FBXL7: variants seen among roughly 807,000 people sequenced by gnomAD.
The protein encoded by FBXL7 is F-box and leucine rich repeat protein 7.
FBXL7 carries 12 observed loss-of-function variants against 38.3 expected under a neutral mutation model. That is an observed-to-expected ratio of 0.31 (90% confidence interval 0.20 to 0.51). The LOEUF (loss-of-function observed/expected upper bound fraction) is 0.51. Ranked by LOEUF, FBXL7 falls within the 20% of genes least tolerant of loss-of-function variation. The pLI is 0.98. For synonymous variants in FBXL7, 297 were observed against 300.9 expected (o/e 0.99, Z 0.13); for missense variants, 567 against 676.4 (o/e 0.84, Z 1.79).
intron 2 of FBXL7, among the ~76,000 whole-genome samples, chr5:15,897,754 C>T (rs186854908): frequency 6.6e-6 from 1 of 151,240 alleles, no homozygotes; most frequent in East Asian, 2.0e-4. Context: ...CCCAGCCAGG[C>T]CTGCCTTATG....
chr5:15,734,531 G>A (rs552808501), intron 2 of FBXL7, among the ~76,000 whole-genome samples: 1 of 152,174 alleles, frequency 6.6e-6, no homozygotes, highest in Non-Finnish European at 1.5e-5. Context: ...ATTCTCCCAA[G>A]GCCTGTCTCA....
At chr5:15,813,540 C>T (rs1737926024) in intron 2 of FBXL7, among the ~76,000 whole-genome samples, 1 of 152,004 alleles carries the variant, frequency 6.6e-6, no homozygotes, top group Admixed American at 6.6e-5. Context: ...TCTAAAACAC[C>T]AAAAGCAATG....
chr5:15,889,681 G>C (rs1256613852), intron 2 of FBXL7, among the ~76,000 whole-genome samples: 1 of 152,200 alleles, frequency 6.6e-6, no homozygotes, highest in Non-Finnish European at 1.5e-5. Context: ...TAGGATCCAG[G>C]TATCAGTGTT....
Position 15,858,529 on chromosome 5 carries a change from A to G in FBXL7, c.128-69361A>G, listed in dbSNP as rs531271247. On this transcript the variant is annotated intron_variant, in intron 2 of 3. Transcript: ENST00000504595. The stretch of plus-strand genomic sequence containing the variant: ...GCATTTATTGTTAAGTACTGTGTTT[A>G]TAAAGGACAGGCAATAAATGCTGTC... 3.3e-5 allele frequency among the ~76,000 whole-genome samples: 5 copies of G among 152,326 alleles called. No individual in the cohort carries two copies. The South Asian group carries it at 6.2e-4, about 19-fold the overall frequency.
At chr5:15,896,218 G>T (rs1489130520) in intron 2 of FBXL7, among the ~76,000 whole-genome samples, 1 of 152,022 alleles carries the variant, frequency 6.6e-6, no homozygotes, top group East Asian at 1.9e-4. Context: ...TAGAGATGGG[G>T]TTTCACCATG....
At chr5:15,887,809 A>T (rs1180063667) in intron 2 of FBXL7, among the ~76,000 whole-genome samples, 1 of 152,090 alleles carries the variant, frequency 6.6e-6, no homozygotes, top group Non-Finnish European at 1.5e-5. Context: ...TATATGTGAA[A>T]CTCTTTTAAA....
intron 2 of FBXL7, among the ~76,000 whole-genome samples, chr5:15,766,034 G>A (rs1055564476): frequency 1.5e-5 from 2 of 131,230 alleles, no homozygotes; most frequent in Admixed American, 1.6e-4. Flanking sequence ...CTGTCTGTCT[G>A]TCTGTCTATC....
At position 15,615,545 on chromosome 5, in the gene FBXL7, G is replaced by A. The variant is rs973657214; in HGVS notation, c.38-438G>A. On this transcript the variant is annotated intron_variant, in intron 1 of 3. Transcript: ENST00000504595. ...CAGGGAATTCATTTTTTGATGTGAC[G>A]CAGCTATTTGGAGTTAGCGGCTCTT... Among the ~76,000 whole-genome samples the A allele has an allele frequency of 5.9e-5, 9 of 152,146 alleles. No homozygotes were observed. In the South Asian group the frequency reaches 1.0e-3, roughly 18 times the overall value.
chr5:15,934,462 T>C (rs1297073787), intron 3 of FBXL7, among the ~76,000 whole-genome samples: 1 of 151,850 alleles, frequency 6.6e-6, no homozygotes, highest in African/African-American at 2.4e-5. Flanking sequence ...GAAATAAGTG[T>C]TTCCTATATA....
In FBXL7 at chr5:15,580,771, G is replaced by C. The variant is rs193226583; in HGVS notation, c.38-35212G>C. The C allele has an allele frequency of 4.1e-6, 4 of 985,392 alleles. No homozygotes were observed. The East Asian group carries it at 4.5e-4, about 112-fold the overall frequency. The allele number at this position is 985,392 out of a possible 1,614,324, so 61.0% of individuals were successfully genotyped here. On this transcript the variant is annotated intron_variant, in intron 1 of 3. Coordinates refer to ENST00000504595, the MANE Select transcript of FBXL7 (RefSeq NM_012304.5). The stretch of plus-strand genomic sequence containing the variant: ...CCCTCCTGGTGTGTGTTTCCAGACC[G>C]TCAAGGGTCCTGGCTGCTCATGGTC...
intron 1 of FBXL7, among the ~76,000 whole-genome samples, chr5:15,591,566 G>A (rs528305531): frequency 1.2e-4 from 18 of 152,244 alleles, no homozygotes; most frequent in African/African-American, 4.3e-4. Context: ...GAAGGCCTAG[G>A]ACCAAAGCCC....
chr5:15,548,310 G>A (rs1737973551), intron 1 of FBXL7, among the ~76,000 whole-genome samples: 1 of 152,010 alleles, frequency 6.6e-6, no homozygotes, highest in South Asian at 2.1e-4. Context: ...TCCTTTGAAG[G>A]ACAAAATTCA....
chr5:15,516,382 T>A (rs144813379), intron 1 of FBXL7, among the ~76,000 whole-genome samples: 55 of 152,332 alleles, frequency 3.6e-4, no homozygotes, highest in African/African-American at 1.3e-3. Context: ...AATACTAAAC[T>A]TCGTACTTTG....
At chr5:15,581,900 G>C (rs1468265983) in intron 1 of FBXL7, among the ~76,000 whole-genome samples, 1 of 152,060 alleles carries the variant, frequency 6.6e-6, no homozygotes, top group Non-Finnish European at 1.5e-5. Flanking sequence ...ACATGGTCTT[G>C]CTCTGACCAT....
At chr5:15,802,763 C>A (rs1459382187) in intron 2 of FBXL7, among the ~76,000 whole-genome samples, 4 of 151,994 alleles carry the variant, frequency 2.6e-5, no homozygotes, top group Non-Finnish European at 5.9e-5. Flanking sequence ...CAGTGATTCT[C>A]CTGGCTCAGC....
intron 2 of FBXL7, among the ~76,000 whole-genome samples, chr5:15,753,158 C>T (rs1309314317): frequency 5.9e-5 from 9 of 152,084 alleles, no homozygotes; most frequent in Admixed American, 2.0e-4. Flanking sequence ...GCCAGACACA[C>T]GCTCTCTAGG....
intron 2 of FBXL7, among the ~76,000 whole-genome samples, chr5:15,757,899 C>T (rs1736340418): frequency 6.6e-6 from 1 of 152,122 alleles, no homozygotes; most frequent in Admixed American, 6.5e-5. Flanking sequence ...CCCTTTCCTC[C>T]CCACAGCTAG....
intron 2 of FBXL7, among the ~76,000 whole-genome samples, chr5:15,803,174 G>A (rs765526903): frequency 6.6e-6 from 1 of 152,116 alleles, no homozygotes; most frequent in African/African-American, 2.4e-5. Flanking sequence ...AAAAATGTAA[G>A]TATTTGACCA....
chr5:15,916,788 C>T (rs1741595698), intron 2 of FBXL7, among the ~76,000 whole-genome samples: 2 of 152,014 alleles, frequency 1.3e-5, no homozygotes, highest in South Asian at 4.1e-4. Context: ...CTTTATCTTC[C>T]CTCCACCTCC....
Sources: allele counts gnomAD v4.1 joint callset (sites outside exome capture counted in the v4.1 genomes callset), GRCh38; gene constraint gnomAD v4.1.1; transcripts MANE v1.5; gene names NCBI Gene and HGNC (gene_info 2026-07-23, HGNC 2026-07-21).